The following GABPA variants were observed in gnomAD, a reference collection of about 807,000 sequenced individuals.
GABPA encodes the protein GA-binding protein alpha chain.
A neutral mutation model predicts 59.4 loss-of-function variants in GABPA; 4 were observed. The ratio of observed to expected loss-of-function variants is 0.07; its 90% confidence interval spans 0.03 to 0.15. The LOEUF (loss-of-function observed/expected upper bound fraction) is 0.15, where lower values mean the gene tolerates loss of function less well. Among genes scored for constraint, GABPA ranks in the 10% least tolerant of loss-of-function variants. The pLI is 1.00. For synonymous variants in GABPA, 164 were observed against 183.1 expected (o/e 0.90, Z 0.84); for missense variants, 251 against 543.8 (o/e 0.46, Z 5.36).
chr21:25,753,820 T>TTTTTTTA (rs2035571239), intron 5 of GABPA, among the ~76,000 whole-genome samples: 2 of 152,300 alleles, frequency 1.3e-5, no homozygotes, highest in African/African-American at 2.4e-5. Flanking sequence ...GTTTTTGTCC[T>TTTTTTTA]TTTTTTATTT....
chr21:25,766,744 A>G (rs191865475), intron 9 of GABPA, among the ~76,000 whole-genome samples: 32 of 152,112 alleles, frequency 2.1e-4, no homozygotes, highest in African/African-American at 7.2e-4. Flanking sequence ...CCCTTTTGAT[A>G]GGAATGTAAA....
intron 8 of GABPA, 104 bp downstream of exon 8, chr21:25,764,454 C>A: frequency 7.1e-7 from 1 of 1,411,148 alleles, no homozygotes; most frequent in Non-Finnish European, 9.7e-7. Flanking sequence ...ATCCCTCTGG[C>A]AGTTTTTAGA....
chr21:25,740,786 T>C (rs2035200663), intron 1 of GABPA, among the ~76,000 whole-genome samples: 1 of 152,246 alleles, frequency 6.6e-6, no homozygotes, highest in African/African-American at 2.4e-5. Flanking sequence ...TGTTTTATAA[T>C]ATTCTTGCAT....
Position 25,737,470 on chromosome 21 carries a change from AT to A in GABPA, c.-27+1902del, listed in dbSNP as rs928691408. Among the ~76,000 whole-genome samples the A allele has an allele frequency of 5.3e-5, 8 of 150,600 alleles. No individual in the cohort carries two copies. The East Asian group carries it at 9.7e-4, about 18-fold the overall frequency. On this transcript the variant is annotated intron_variant, in intron 1 of 9. Coordinates refer to ENST00000400075, the MANE Select transcript of GABPA (RefSeq NM_002040.4). ...GACAGATCATTTAAGAAACTGAGTAATTTTTTTTTTCTCCAAAAGGGCATGG... is the reference window on the plus strand; with the variant it reads ...GACAGATCATTTAAGAAACTGAGTAATTTTTTTTTCTCCAAAAGGGCATGG...
chr21:25,767,077 A>G (rs770480427), intron 9 of GABPA, among the ~76,000 whole-genome samples: 31 of 151,984 alleles, frequency 2.0e-4, no homozygotes, highest in Non-Finnish European at 3.8e-4. Context: ...GGAAAATTAA[A>G]TTTCAGTATT....
intron 2 of GABPA, among the ~76,000 whole-genome samples, chr21:25,742,636 A>G (rs191540998): frequency 3.9e-5 from 6 of 152,236 alleles, no homozygotes; most frequent in Admixed American, 1.3e-4. Context: ...ACATTCAGCC[A>G]GATGCAGTGG....
chr21:25,745,538 T>C (rs758309733), intron 3 of GABPA, among the ~76,000 whole-genome samples, 184 bp downstream of exon 3: 25 of 152,240 alleles, frequency 1.6e-4, no homozygotes, highest in South Asian at 6.2e-4. Context: ...TTTAAAGTTA[T>C]ATTTTAAATA....
rs568962103 is a variant in GABPA at position 25,744,234 on chromosome 21, G to A, written c.78-976G>A. Among the ~76,000 whole-genome samples, 210 of 152,138 alleles carry A rather than the reference G, an allele frequency of 1.4e-3. No homozygotes were observed. In the Middle Eastern group the frequency reaches 0.017, roughly 12 times the overall value. The stretch of plus-strand genomic sequence containing the variant: ...AAGTCAAGTGCAATGGCACACACCT[G>A]TAGTCCCAGCTACTTGGGAGGCTGA... On this transcript the variant is annotated intron_variant, in intron 2 of 9. Coordinates refer to ENST00000400075, the MANE Select transcript of GABPA (RefSeq NM_002040.4).
intron 7 of GABPA, chr21:25,763,266 T>G (rs979952211): frequency 5.1e-4 from 198 of 386,984 alleles, no homozygotes; most frequent in Non-Finnish European, 5.7e-4. Flanking sequence ...TGAGCTCTTT[T>G]GGGGCATTTT....
chr21:25,745,104 A>G, intron 2 of GABPA, 106 bp from the exon 3 acceptor site: 1 of 1,261,130 alleles, frequency 7.9e-7, no homozygotes. Context: ...TGACTTTTCA[A>G]AGACCAGAAA....
chr21:25,742,364 A>C (rs2035243325), intron 2 of GABPA, among the ~76,000 whole-genome samples: 1 of 1,864 alleles, frequency 5.4e-4, no homozygotes, highest in South Asian at 0.029. Flanking sequence ...AAAGGGATTG[A>C]AAAGTACTAG....
At position 25,771,771 on chromosome 21, in the gene GABPA, G is replaced by C. The variant is rs1280348260; in HGVS notation, c.*2539G>C. 4 of 151,948 alleles carry C rather than the reference G, an allele frequency of 2.6e-5. No homozygotes were observed. 9.4% of individuals were successfully genotyped at this position (151,948 alleles called of 1,614,324 possible). A position where few individuals can be genotyped will look rare whatever the true frequency, so the allele number is the denominator to read the frequency against. On this transcript the variant is annotated 3_prime_UTR_variant, in exon 10 of 10. Coordinates refer to ENST00000400075, the MANE Select transcript of GABPA (RefSeq NM_002040.4). The stretch of plus-strand genomic sequence containing the variant: ...TTAAGTAAAAGAAATGTTCATTTTT[G>C]TTTTAAAATTTGTTTTCCATGTGAA...
chr21:25,755,107 G>A (rs2035602319), intron 5 of GABPA, among the ~76,000 whole-genome samples: 1 of 151,898 alleles, frequency 6.6e-6, no homozygotes, highest in Non-Finnish European at 1.5e-5. Flanking sequence ...AAGTTCTGAA[G>A]GATTTGATAA....
At chr21:25,740,194 G>A (rs940896504) in intron 1 of GABPA, among the ~76,000 whole-genome samples, 2 of 152,228 alleles carry the variant, frequency 1.3e-5, no homozygotes, top group African/African-American at 2.4e-5. Flanking sequence ...AATAGCGTTC[G>A]TATGAGATGG....
rs2035681110 is a variant in GABPA at position 25,758,126 on chromosome 21, A to C, written c.670A>C (p.Ser224Arg). Residue 224 changes from serine (S) to arginine (R), a missense_variant, in exon 6 of 10, where the codon AGT becomes CGT. Ser to Arg is a moderately radical substitution (Grantham distance 110). Around this residue, in one of 4 missense-constraint regions of GABPA, gnomAD observed 207 missense variants for 366.7 expected, o/e 0.56. Transcript: ENST00000400075. ...CAACATTTCGGGGAGAGAATTATGT[A>C]GTCTCAACCAAGAAGATTTTTTTCA... Reference protein sequence around the residue: ...TLNISGRELCSLNQEDFFQRV... With the variant: ...TLNISGRELCRLNQEDFFQRV... 5 of 1,611,184 alleles carry C rather than the reference A, an allele frequency of 3.1e-6. 1 individual carries two copies. In the East Asian group the frequency reaches 1.1e-4, roughly 36 times the overall value.
Position 25,769,417 on chromosome 21 carries a change from G to T in GABPA, c.*185G>T. 1 of 551,130 alleles carries T rather than the reference G, an allele frequency of 1.8e-6. No homozygotes were observed. Among genetic ancestry groups the T allele is most frequent in the East Asian group, 3.0e-5 (1 of 33,320 alleles). The allele number at this position is 551,130 out of a possible 1,614,324, so 34.1% of individuals were successfully genotyped here. ...CTTTTTACTTTGAGCATATATTTTA[G>T]AATATGTGTATGTTAAAGGATCTCC... On this transcript the variant is annotated 3_prime_UTR_variant, in exon 10 of 10. Transcript: ENST00000400075.
intron 2 of GABPA, among the ~76,000 whole-genome samples, chr21:25,743,893 A>C (rs1457717654): frequency 2.0e-5 from 3 of 151,926 alleles, no homozygotes; most frequent in Non-Finnish European, 4.4e-5. Context: ...AAAATACAAA[A>C]ATTAGCTAGG....
rs543433399 is a variant in GABPA at position 25,768,392 on chromosome 21, A to G, written c.1137-612A>G. On this transcript the variant is annotated intron_variant, in intron 9 of 9. Transcript: ENST00000400075. ...ATAAAGATGAAGACATGACTTCATC[A>G]TATAGGATTCTTTACAAGACAGAAA... Among the ~76,000 whole-genome samples, 23 of 152,190 alleles carry G rather than the reference A, an allele frequency of 1.5e-4. 1 individual carries two copies. In the South Asian group the frequency reaches 4.8e-3, roughly 32 times the overall value.
chr21:25,742,782 G>T (rs897137833), intron 2 of GABPA, among the ~76,000 whole-genome samples: 1 of 150,386 alleles, frequency 6.6e-6, no homozygotes, highest in African/African-American at 2.4e-5. Flanking sequence ...AAATAGCCTG[G>T]CCTGGTGACA....
Sources: gnomAD v4.1 joint callset for allele counts (sites outside exome capture counted in the v4.1 genomes callset) on GRCh38, gnomAD v4.1.1 for gene constraint, gnomAD v4.1.1 regional missense constraint, MANE v1.5 for transcripts, NCBI Gene and HGNC (gene_info 2026-07-23, HGNC 2026-07-21) for gene names.